The following SLC46A3 variants were observed in gnomAD, a reference collection of about 807,000 sequenced individuals.
SLC46A3 encodes solute carrier family 46 member 3.
SLC46A3 carries 26 observed loss-of-function variants against 38.5 expected under a neutral mutation model. The ratio of observed to expected loss-of-function variants is 0.68; its 90% confidence interval spans 0.49 to 0.94. SLC46A3 has a LOEUF of 0.94. Among genes scored for constraint, SLC46A3 ranks in the 40% least tolerant of loss-of-function variants. SLC46A3 has a pLI of 0.00. For missense variants in SLC46A3, 510 were observed against 544.3 expected (o/e 0.94, Z 0.63); for synonymous variants, 185 against 192.5 (o/e 0.96, Z 0.32).
chr13:28,715,162 G>T (rs1379980198), intron 2 of SLC46A3, among the ~76,000 whole-genome samples: 1 of 152,172 alleles, frequency 6.6e-6, no homozygotes, highest in Non-Finnish European at 1.5e-5. Flanking sequence ...TGAGGGTAGG[G>T]GTGGTTTCTG....
chr13:28,702,714 G>A (rs1290677395), intron 5 of SLC46A3, among the ~76,000 whole-genome samples: 1 of 152,216 alleles, frequency 6.6e-6, no homozygotes, highest in East Asian at 1.9e-4. Flanking sequence ...CTCTGACACA[G>A]ATCTAGGTAT....
intron 4 of SLC46A3, among the ~76,000 whole-genome samples, chr13:28,707,497 T>G (rs1237217660): frequency 1.3e-5 from 2 of 151,908 alleles, no homozygotes; most frequent in East Asian, 1.9e-4. Flanking sequence ...ACATGGCACA[T>G]GTATACATAT....
At chr13:28,707,229 G>C (rs2137826420) in intron 4 of SLC46A3, among the ~76,000 whole-genome samples, 1 of 151,886 alleles carries the variant, frequency 6.6e-6, no homozygotes, top group South Asian at 2.1e-4. Flanking sequence ...CATACAAAAG[G>C]ATGAGTTCAT....
At chr13:28,711,905 C>T (rs7982450) in intron 3 of SLC46A3, among the ~76,000 whole-genome samples, 50,819 of 151,972 alleles carry the variant, frequency 0.33, 9,536 homozygotes, top group Non-Finnish European at 0.42. Context: ...GGTAGTACCA[C>T]GCCCATTTTA....
chr13:28,714,060 T>C (rs1305107), intron 2 of SLC46A3, among the ~76,000 whole-genome samples: 144,783 of 151,150 alleles, frequency 0.96, 69,644 homozygotes, highest in East Asian at 1. Context: ...TTTGGGAGGC[T>C]GAGGCAGGAG....
chr13:28,716,335 C>T (rs996822088), intron 2 of SLC46A3, among the ~76,000 whole-genome samples: 9 of 151,926 alleles, frequency 5.9e-5, no homozygotes, highest in Non-Finnish European at 1.5e-5. Context: ...GCTGTAGGAC[C>T]CCAACTTTGA....
intron 2 of SLC46A3, 37 bp downstream of exon 2, chr13:28,717,773 C>T (rs1318960409): frequency 6.3e-7 from 1 of 1,587,584 alleles, no homozygotes; most frequent in African/African-American, 1.3e-5. Context: ...TATACATTCC[C>T]ATTTTATTAA....
intron 2 of SLC46A3, 23 bp downstream of exon 2, chr13:28,717,779 ATTAAATAC>A: frequency 1.3e-6 from 2 of 1,595,082 alleles, no homozygotes; most frequent in Non-Finnish European, 1.7e-6. Flanking sequence ...TTCCCATTTT[ATTAAATAC>A]TATGGATATT....
At chr13:28,714,580 C>T (rs1233911467) in intron 2 of SLC46A3, among the ~76,000 whole-genome samples, 1 of 152,190 alleles carries the variant, frequency 6.6e-6, no homozygotes, top group Non-Finnish European at 1.5e-5. Context: ...AAAACCCTGT[C>T]TCTACTAAAA....
chr13:28,716,023 C>T (rs1286769128), intron 2 of SLC46A3, among the ~76,000 whole-genome samples: 8 of 150,148 alleles, frequency 5.3e-5, no homozygotes, highest in African/African-American at 1.7e-4. Context: ...TGTAGTGGCA[C>T]GTGCCTGTAG....
chr13:28,713,141 A>G lies in SLC46A3; in HGVS notation c.599T>C (p.Phe200Ser). 1 of 1,614,056 alleles carries G rather than the reference A, an allele frequency of 6.2e-7. No individual in the cohort carries two copies. The highest frequency in any genetic ancestry group is 8.5e-7 in the Non-Finnish European group (1 of 1,179,984). ...FIRELGFEWS[F>S]LIIAVSLAVN... ...AGCAAGAGACACAGCAATAATTAGA[A>G]ACGACCACTCAAAACCTAGCTCTCT... The change falls in exon 3 of 6, where the codon TTT becomes TCT. Residue 200 changes from phenylalanine to serine, a missense_variant. Transcript: ENST00000266943.
rs1455915523 is a variant in SLC46A3, at chr13:28,704,071, T to C, written c.1173A>G (p.Leu391=). 3 of 1,612,602 alleles carry C rather than the reference T, an allele frequency of 1.9e-6. No individual in the cohort carries two copies. The highest frequency in any genetic ancestry group is 2.5e-6 in the Non-Finnish European group (3 of 1,179,660). The change falls in exon 5 of 6, where the codon TTA becomes TTG. Residue 391 remains leucine, a synonymous_variant. Transcript: ENST00000266943. ...QGTLFACIAF[L]ETLGGVTAVS... Reference sequence around the variant, plus strand: ...CTGCAGTGACTCCTCCAAGTGTTTCTAAGAAAGCAATACAAGCAAACAGGG... The same window carrying C: ...CTGCAGTGACTCCTCCAAGTGTTTCCAAGAAAGCAATACAAGCAAACAGGG...
rs1884992958 is a variant in SLC46A3 at position 28,700,748 on chromosome 13, C to T, written c.*749G>A. On this transcript the variant is annotated 3_prime_UTR_variant, in exon 6 of 6. Coordinates refer to ENST00000266943, the MANE Select transcript of SLC46A3 (RefSeq NM_181785.4). ...TCTTTAGAGCAATTTTATTTATCATCTATTTTTTCCCAATTACCCATTACA... is the reference window on the plus strand; with the variant it reads ...TCTTTAGAGCAATTTTATTTATCATTTATTTTTTCCCAATTACCCATTACA... 6.5e-6 allele frequency: 3 copies of T among 465,032 alleles called. No individual in the cohort carries two copies. The highest frequency in any genetic ancestry group is 3.7e-5 in the Admixed American group (1 of 26,886). 28.8% of individuals were successfully genotyped at this position (465,032 alleles called of 1,614,324 possible).
At chr13:28,709,879 G>A (rs1404313486) in intron 4 of SLC46A3, among the ~76,000 whole-genome samples, 1 of 152,120 alleles carries the variant, frequency 6.6e-6, no homozygotes, top group Non-Finnish European at 1.5e-5. Flanking sequence ...AGCTGAGTGG[G>A]GCCCCGTTTT....
chr13:28,705,180 G>C (rs1031069904), intron 4 of SLC46A3, among the ~76,000 whole-genome samples: 3 of 152,166 alleles, frequency 2.0e-5, no homozygotes, highest in Non-Finnish European at 4.4e-5. Flanking sequence ...GCTTTCTGCA[G>C]ATTTTGTCAA....
rs758048446 is a variant in SLC46A3, at chr13:28,717,794, T to G, written c.189+16A>C. 14 of 1,608,070 alleles carry G rather than the reference T, an allele frequency of 8.7e-6. No homozygotes were observed. Among genetic ancestry groups the G allele is most frequent in the Non-Finnish European group, 1.1e-5 (13 of 1,176,244 alleles). ...TTCCCATTTTATTAAATACTATGGA[T>G]ATTGTAATTTCTTACCTCCTGGAAT... On this transcript the variant is annotated intron_variant, in intron 2 of 5. Coordinates refer to ENST00000266943, the MANE Select transcript of SLC46A3 (RefSeq NM_181785.4).
At chr13:28,714,193 AT>A (rs77683201) in intron 2 of SLC46A3, among the ~76,000 whole-genome samples, 129 of 143,680 alleles carry the variant, frequency 9.0e-4, no homozygotes, top group Admixed American at 2.0e-3. Flanking sequence ...TGTTGCCCTT[AT>A]TTTTTTTTTT....
chr13:28,700,208 C>A lies in SLC46A3; in HGVS notation c.*1289G>T, dbSNP rs15724. ...GAAAATGCTGGGATCGAAGTGCACA[C>A]AAAGAGCTATGGAAGCCCTGTAGGG... On this transcript the variant is annotated 3_prime_UTR_variant, in exon 6 of 6. Coordinates refer to ENST00000266943, the MANE Select transcript of SLC46A3 (RefSeq NM_181785.4). The A allele has an allele frequency of 2.1e-4, 32 of 151,896 alleles. No homozygotes were observed. Among genetic ancestry groups the A allele is most frequent in the African/African-American group, 7.3e-4 (30 of 41,334 alleles). The allele number at this position is 151,896 out of a possible 1,614,324, so 9.4% of individuals were successfully genotyped here.
At chr13:28,713,584 CA>C (rs769400216) in intron 2 of SLC46A3, 34 bp from the exon 3 acceptor site, 1 of 1,563,704 alleles carries the variant, frequency 6.4e-7, no homozygotes, top group African/African-American at 1.4e-5. Flanking sequence ...AATGTGTTTA[CA>C]GTAGTTAACA....
Sources: gnomAD v4.1 joint callset for allele counts (sites outside exome capture counted in the v4.1 genomes callset) on GRCh38, gnomAD v4.1.1 for gene constraint, MANE v1.5 for transcripts, NCBI Gene and HGNC (gene_info 2026-07-23, HGNC 2026-07-21) for gene names.